The following C1orf94 variants were observed in gnomAD, a reference collection of about 807,000 sequenced individuals.
C1orf94 encodes uncharacterized protein C1orf94.
C1orf94 carries 45 observed loss-of-function variants against 53.6 expected under a neutral mutation model. That is an observed-to-expected ratio of 0.84 (90% confidence interval 0.66 to 1.08). C1orf94 has a LOEUF of 1.08. Ranked by LOEUF, C1orf94 falls within the 50% of genes least tolerant of loss-of-function variation. The pLI is 0.00. For synonymous variants in C1orf94, 304 were observed against 296.1 expected, an observed-to-expected ratio of 1.03 and a Z score of -0.27; for missense variants, 762 against 738.9, an observed-to-expected ratio of 1.03 and a Z score of -0.36.
chr1:34,178,050 G>T lies in C1orf94; in HGVS notation c.261G>T (p.Glu87Asp). ...PEASQPWTSM[E>D]QLSVPVVGTL... ...CCTCACAGCCCTGGACCTCCATGGA[G>T]CAGCTCTCTGTCCCTGTGGTTGGAA... The change falls in exon 1 of 7, where the codon GAG becomes GAT. Residue 87 changes from glutamate to aspartate, a missense_variant. Coordinates refer to ENST00000488417, the MANE Select transcript of C1orf94 (RefSeq NM_001134734.2). 6.4e-7 allele frequency: 1 copy of T among 1,551,760 alleles called. No individual in the cohort carries two copies. The highest frequency in any genetic ancestry group is 1.7e-4 in the Middle Eastern group (1 of 5,992).
At chr1:34,204,511 C>G (rs1642763023) in intron 4 of C1orf94, among the ~76,000 whole-genome samples, 1 of 152,102 alleles carries the variant, frequency 6.6e-6, no homozygotes, top group African/African-American at 2.4e-5. Flanking sequence ...AGTCTATTGT[C>G]CTTACACAGG....
chr1:34,175,558 G>A (rs1347230627), upstream of C1orf94, among the ~76,000 whole-genome samples: 2 of 152,122 alleles, frequency 1.3e-5, no homozygotes, highest in African/African-American at 4.8e-5. Flanking sequence ...AATCAAAGGA[G>A]AATGAAGCTC....
Position 34,197,843 on chromosome 1 carries a change from G to A in C1orf94, c.939G>A (p.Gln313=). Residue 313 remains glutamine, a synonymous_variant, in exon 2 of 7, where the codon CAG becomes CAA. Transcript: ENST00000488417. The surrounding 1 kb of genome is among the most constrained non-coding windows in gnomAD (Gnocchi z 4.1). ...CTGAGCTCCCTGCTCAGAAGAGGCA[G>A]CTCCCAGTGTTTGCCAAGATCTGTT... ...KLPELPAQKR[Q]LPVFAKICSK... is the part of the protein sequence containing the mutation. 6.2e-7 allele frequency: 1 copy of A among 1,614,208 alleles called. No individual in the cohort carries two copies. Among genetic ancestry groups the A allele is most frequent in the Admixed American group, 1.7e-5 (1 of 60,032 alleles).
rs1237337148 is a variant in C1orf94 at position 34,197,517 on chromosome 1, TCTA to T, written c.616_618del (p.Thr206del). 1 of 1,613,978 alleles carries T rather than the reference TCTA, an allele frequency of 6.2e-7. No individual in the cohort carries two copies. Among genetic ancestry groups the T allele is most frequent in the African/African-American group, 1.3e-5 (1 of 74,896 alleles). ...CAGGCAGGACTGTGATTCTGCCACT[TCTA>T]CTGTCACAGACATTCTGTGTGCCGC... On this transcript the variant is annotated inframe_deletion, in exon 2 of 7. Transcript: ENST00000488417. This position sits in a 1 kb window ranked among gnomAD's most constrained non-coding sequence, Gnocchi z 4.1.
At position 34,176,951 on chromosome 1, in the gene C1orf94, C is replaced by T. The variant is rs574337256; in HGVS notation, c.-839C>T. Among the ~76,000 whole-genome samples, 1 of 152,192 alleles carries T rather than the reference C, an allele frequency of 6.6e-6. No individual in the cohort carries two copies. The highest frequency in any genetic ancestry group is 2.4e-5 in the African/African-American group (1 of 41,450). The stretch of plus-strand genomic sequence containing the variant: ...TTGAAACCCACAGAAAGAATTCCCC[C>T]GCTCGACGACGGCGAGGGTGTGGGA... On this transcript the variant is annotated 5_prime_UTR_variant, in exon 1 of 7. Coordinates refer to ENST00000488417, the MANE Select transcript of C1orf94 (RefSeq NM_001134734.2).
Position 34,197,697 on chromosome 1 carries a change from G to A in C1orf94, c.793G>A (p.Val265Ile). ...DNKNVLDKTR[V>I]TKDFLQDNLF... The stretch of plus-strand genomic sequence containing the variant: ...CAAGAATGTGCTGGACAAGACAAGG[G>A]TCACCAAGGACTTCCTACAGGACAA... The change falls in exon 2 of 7, where the codon GTC (valine) becomes ATC (isoleucine). Residue 265 changes from valine (V) to isoleucine (I), a missense_variant. Val to Ile is a conservative substitution (Grantham distance 29). Coordinates refer to ENST00000488417, the MANE Select transcript of C1orf94 (RefSeq NM_001134734.2). The surrounding 1 kb of genome is among the most constrained non-coding windows in gnomAD (Gnocchi z 4.1). 6.2e-7 allele frequency: 1 copy of A among 1,614,138 alleles called. No individual in the cohort carries two copies. Among genetic ancestry groups the A allele is most frequent in the Non-Finnish European group, 8.5e-7 (1 of 1,180,020 alleles).
intron 4 of C1orf94, among the ~76,000 whole-genome samples, chr1:34,205,055 A>AT (rs1485099878): frequency 6.6e-6 from 1 of 152,194 alleles, no homozygotes; most frequent in African/African-American, 2.4e-5. Context: ...GGTTTGCTTT[A>AT]TTAAGTGGGG....
chr1:34,167,550 C>T (rs1282718117), intron 1 of C1orf94, among the ~76,000 whole-genome samples: 1 of 151,606 alleles, frequency 6.6e-6, no homozygotes, highest in African/African-American at 2.4e-5. Flanking sequence ...GGCCCAGTTA[C>T]TCACATCCTC....
intron 1 of C1orf94, among the ~76,000 whole-genome samples, chr1:34,171,846 A>G (rs776866297): frequency 2.2e-4 from 33 of 152,230 alleles, no homozygotes; most frequent in Non-Finnish European, 3.8e-4. Context: ...GCTTTAGCTG[A>G]CAAATAAGGA....
intron 5 of C1orf94, 47 bp from the exon 6 acceptor site, chr1:34,212,163 G>T: frequency 6.5e-7 from 1 of 1,539,284 alleles, no homozygotes; most frequent in Non-Finnish European, 8.8e-7. Flanking sequence ...GGTTAGAGTT[G>T]GGCTGGGGAA....
At chr1:34,196,732 T>G (rs949104839) in intron 1 of C1orf94, among the ~76,000 whole-genome samples, 1 of 152,114 alleles carries the variant, frequency 6.6e-6, no homozygotes, top group African/African-American at 2.4e-5. Context: ...GGCTGTCCAC[T>G]CCACCATTCT....
At chr1:34,180,305 G>T (rs1476110263) in intron 1 of C1orf94, among the ~76,000 whole-genome samples, 1 of 152,158 alleles carries the variant, frequency 6.6e-6, no homozygotes, top group Non-Finnish European at 1.5e-5. Flanking sequence ...CATGAGGTAG[G>T]TACTCTTTTA....
At chr1:34,190,889 G>A (rs564869032) in intron 1 of C1orf94, among the ~76,000 whole-genome samples, 2 of 152,258 alleles carry the variant, frequency 1.3e-5, no homozygotes, top group Middle Eastern at 3.4e-3. Flanking sequence ...GACTCATTTA[G>A]CTCTCATTTC....
chr1:34,217,184 C>T (rs1643003127), intron 6 of C1orf94, among the ~76,000 whole-genome samples: 1 of 152,206 alleles, frequency 6.6e-6, no homozygotes, highest in Non-Finnish European at 1.5e-5. Flanking sequence ...AACTCAAGCT[C>T]CTCCTCCTCC....
chr1:34,179,123 G>A (rs530690550), intron 1 of C1orf94, among the ~76,000 whole-genome samples: 1 of 151,970 alleles, frequency 6.6e-6, no homozygotes, highest in East Asian at 1.9e-4. Flanking sequence ...CAAGAGCTAA[G>A]AAGAAAAGCA....
At chr1:34,209,635 G>A (rs1437757470) in intron 5 of C1orf94, among the ~76,000 whole-genome samples, 1 of 152,150 alleles carries the variant, frequency 6.6e-6, no homozygotes, top group Non-Finnish European at 1.5e-5. Context: ...GACCTGAAAT[G>A]TGTTAGAATG....
At chr1:34,181,339 T>C (rs1642309286) in intron 1 of C1orf94, among the ~76,000 whole-genome samples, 1 of 152,214 alleles carries the variant, frequency 6.6e-6, no homozygotes, top group African/African-American at 2.4e-5. Context: ...GAAAGCCAAG[T>C]ACAATAATCC....
At chr1:34,173,146 A>G (rs1642171880), upstream of C1orf94, among the ~76,000 whole-genome samples, 1 of 152,250 alleles carries the variant, frequency 6.6e-6, no homozygotes, top group African/African-American at 2.4e-5. Context: ...TTTGGTAACA[A>G]TTTGTAGGTT....
chr1:34,194,762 A>G (rs1386487406), intron 1 of C1orf94, among the ~76,000 whole-genome samples: 2 of 152,210 alleles, frequency 1.3e-5, no homozygotes, highest in Non-Finnish European at 1.5e-5. Context: ...GTTGTTAGGC[A>G]TAACCACAAT....
Sources: gnomAD v4.1 joint callset for allele counts (sites outside exome capture counted in the v4.1 genomes callset) on GRCh38, gnomAD v4.1.1 for gene constraint, Gnocchi (gnomAD v3.1) non-coding constraint, MANE v1.5 for transcripts, NCBI Gene and HGNC (gene_info 2026-07-23, HGNC 2026-07-21) for gene names.